Variants in GSDME observed in about 807,000 individuals in gnomAD.
GSDME encodes the protein gasdermin-E.
A neutral mutation model predicts 47.5 loss-of-function variants in GSDME; 44 were observed. The observed-to-expected ratio is 0.93, with a 90% CI of 0.73 to 1.19. GSDME has a LOEUF of 1.19. Ranked by LOEUF, GSDME falls within the 50% of genes most tolerant of loss-of-function variation. The pLI is 0.00. For synonymous variants in GSDME, 258 were observed against 252.8 expected, an observed-to-expected ratio of 1.02 and a Z score of -0.20; for missense variants, 663 against 604.2, an observed-to-expected ratio of 1.10 and a Z score of -1.02.
chr7:24,783,247 G>T, the GSDME span, among the ~76,000 whole-genome samples: 1 of 152,192 alleles, frequency 6.6e-6, no homozygotes, highest in African/African-American at 2.4e-5. Context: ...CTGGCTTAGA[G>T]GCTCAGAGCA....
At chr7:24,760,455 G>A (rs374706117), upstream of GSDME, among the ~76,000 whole-genome samples, 30 of 152,274 alleles carry the variant, frequency 2.0e-4, 1 homozygote, top group East Asian at 5.0e-3. The surrounding 1 kb of genome is among the most constrained non-coding windows in gnomAD (Gnocchi z 4.2). Flanking sequence ...CTTACCAGCT[G>A]AGTGACTTTA....
the GSDME span, among the ~76,000 whole-genome samples, chr7:24,765,821 A>G: frequency 2.0e-5 from 3 of 152,160 alleles, no homozygotes; most frequent in Non-Finnish European, 4.4e-5. Context: ...TATATACATC[A>G]TTTCATTGGA....
the GSDME span, among the ~76,000 whole-genome samples, chr7:24,779,455 C>A: frequency 1.3e-5 from 2 of 149,504 alleles, no homozygotes; most frequent in African/African-American, 2.5e-5. This position sits in a 1 kb window ranked among gnomAD's most constrained non-coding sequence, Gnocchi z 6.0. Context: ...TTCCTACATT[C>A]CTACACCTTT....
intron 8 of GSDME, chr7:24,703,129 C>T (rs1788947997): frequency 2.7e-6 from 1 of 370,290 alleles, no homozygotes; most frequent in Non-Finnish European, 5.2e-6. Flanking sequence ...AAGGAAACAG[C>T]ATGGAAAAGC....
intron 3 of GSDME, among the ~76,000 whole-genome samples, chr7:24,723,666 G>A (rs1789871106): frequency 2.0e-5 from 3 of 152,202 alleles, no homozygotes; most frequent in Admixed American, 1.3e-4. Flanking sequence ...ACACAGCTGT[G>A]AAGCCCAGGT....
intron 3 of GSDME, among the ~76,000 whole-genome samples, chr7:24,740,570 C>G (rs1323793147): frequency 1.3e-5 from 2 of 151,638 alleles, no homozygotes; most frequent in African/African-American, 2.4e-5. Flanking sequence ...CATTGTATGC[C>G]TGTATCAAAA....
rs1209440708 is a variant in GSDME, at chr7:24,757,259, A to T, written c.-20+137T>A. 1 of 152,500 alleles carries T rather than the reference A, an allele frequency of 6.6e-6. No individual in the cohort carries two copies. The highest frequency in any genetic ancestry group is 1.5e-5 in the Non-Finnish European group (1 of 68,472). 9.4% of individuals were successfully genotyped at this position (152,500 alleles called of 1,614,324 possible). ...AATCGATTCGTCTCCCCTAGGAAGG[A>T]GCGAGGGGAGGGTGGCCCAGAGAGA... On this transcript the variant is annotated intron_variant, in intron 1 of 9. Transcript: ENST00000645220. The surrounding 1 kb of genome is among the most constrained non-coding windows in gnomAD (Gnocchi z 5.9).
rs969494629 is a variant in GSDME at position 24,713,467 on chromosome 7, C to T, written c.698-3079G>A. ...TCTTAGGACTGCATGTCCTGAACCC[C>T]GTCACAGGGAAGGAGAACCAGAAAA... On this transcript the variant is annotated intron_variant, in intron 5 of 9. Transcript: ENST00000645220. Among the ~76,000 whole-genome samples the T allele has an allele frequency of 3.3e-5, 5 of 152,192 alleles. No homozygotes were observed. In the East Asian group the frequency reaches 5.8e-4, roughly 18 times the overall value.
rs895324108 is a variant in GSDME, at chr7:24,756,973, G to A, written c.-20+423C>T. On this transcript the variant is annotated intron_variant, in intron 1 of 9. Transcript: ENST00000645220. The surrounding 1 kb of genome is among the most constrained non-coding windows in gnomAD (Gnocchi z 4.2). The stretch of plus-strand genomic sequence containing the variant: ...CTGCACACACGCCCCCGAGCCGGGA[G>A]AGCCTCCGCAGCACCCAGAGAAGAG... 2.2e-4 allele frequency among the ~76,000 whole-genome samples: 34 copies of A among 151,986 alleles called. No homozygotes were observed. The highest frequency in any genetic ancestry group is 8.0e-4 in the African/African-American group (33 of 41,472).
the GSDME span, among the ~76,000 whole-genome samples, chr7:24,763,006 CG>C: frequency 1.3e-5 from 2 of 152,050 alleles, no homozygotes; most frequent in African/African-American, 4.8e-5. The surrounding 1 kb of genome is among the most constrained non-coding windows in gnomAD (Gnocchi z 4.3). Context: ...TTTATGGGAG[CG>C]GCACTTTCGG....
At chr7:24,706,979 G>C (rs917654014) in intron 7 of GSDME, among the ~76,000 whole-genome samples, 2 of 152,210 alleles carry the variant, frequency 1.3e-5, no homozygotes, top group African/African-American at 4.8e-5. Flanking sequence ...CTCTCCACAG[G>C]GTGCTGGCCT....
At chr7:24,794,292 T>TCC in the GSDME span, among the ~76,000 whole-genome samples, 18 of 118,360 alleles carry the variant, frequency 1.5e-4, no homozygotes, top group South Asian at 4.6e-3. Context: ...TCTCTCTCTC[T>TCC]TTCTCTCCTC....
chr7:24,710,620 T>G, intron 5 of GSDME: 1 of 555,874 alleles, frequency 1.8e-6, no homozygotes, highest in Non-Finnish European at 3.2e-6. Flanking sequence ...TAAAGCTCCC[T>G]AATATATATT....
chr7:24,718,964 T>A lies in GSDME; in HGVS notation c.576+83A>T, dbSNP rs879313536. On this transcript the variant is annotated intron_variant, in intron 4 of 9. Transcript: ENST00000645220. ...TTGCTACGGAAAGAGTCCTGACTAA[T>A]GAAGACACCACCCAAAGAGGCCCCC... is the stretch of plus-strand genomic sequence containing the variant. The A allele has an allele frequency of 1.2e-5, 18 of 1,480,660 alleles. No homozygotes were observed. The Admixed American group carries it at 3.0e-4, about 25-fold the overall frequency. The allele number at this position is 1,480,660 out of a possible 1,614,324, so 91.7% of individuals were successfully genotyped here. A position where few individuals can be genotyped will look rare whatever the true frequency, so the allele number is the denominator to read the frequency against.
At chr7:24,702,521 A>G in intron 9 of GSDME, 2 of 445,488 alleles carry the variant, frequency 4.5e-6, no homozygotes, top group South Asian at 3.9e-5. Flanking sequence ...GTCGAAAGAC[A>G]AGGATGAAGT....
In GSDME at chr7:24,703,310, A is replaced by G. The variant is rs116196653; in HGVS notation, c.1184-477T>C. ...TATAAAGGGCTCTACCCCATCACCA[A>G]TCATTTTGGGGAGGAAAATGCAGTG... On this transcript the variant is annotated intron_variant, in intron 8 of 9. Transcript: ENST00000645220. 904 of 258,212 alleles carry G rather than the reference A, an allele frequency of 3.5e-3. 10 individuals carry two copies. The highest frequency in any genetic ancestry group is 0.018 in the African/African-American group (799 of 45,220). The allele number at this position is 258,212 out of a possible 1,614,324, so 16.0% of individuals were successfully genotyped here.
At chr7:24,748,157 TATA>T (rs1444871821) in intron 2 of GSDME, among the ~76,000 whole-genome samples, 9 of 108,680 alleles carry the variant, frequency 8.3e-5, no homozygotes, top group African/African-American at 2.2e-4. Flanking sequence ...TATATATATA[TATA>T]TATATATATT....
rs535626937 is a variant in GSDME, at chr7:24,726,226, A to G, written c.405-7008T>C. On this transcript the variant is annotated intron_variant, in intron 3 of 9. Transcript: ENST00000645220. This position sits in a 1 kb window ranked among gnomAD's most constrained non-coding sequence, Gnocchi z 5.6. Reference sequence around the variant, plus strand: ...ATTTTCTCTGCTTCTAAGACTTTCAAGAGCCAAAATGCAAACTCACAGAGG... The same window carrying G: ...ATTTTCTCTGCTTCTAAGACTTTCAGGAGCCAAAATGCAAACTCACAGAGG... 7.2e-5 allele frequency among the ~76,000 whole-genome samples: 11 copies of G among 152,352 alleles called. No individual in the cohort carries two copies. The South Asian group carries it at 2.3e-3, about 32-fold the overall frequency.
chr7:24,790,135 C>A, the GSDME span, among the ~76,000 whole-genome samples: 2 of 152,152 alleles, frequency 1.3e-5, no homozygotes, highest in East Asian at 1.9e-4. The surrounding 1 kb of genome is among the most constrained non-coding windows in gnomAD (Gnocchi z 4.1). Flanking sequence ...CAATTAGTAA[C>A]CCCTCCCCCA....
Sources: gnomAD v4.1 joint callset for allele counts (sites outside exome capture counted in the v4.1 genomes callset) on GRCh38, gnomAD v4.1.1 for gene constraint, Gnocchi (gnomAD v3.1) non-coding constraint, MANE v1.5 for transcripts, NCBI Gene and HGNC (gene_info 2026-07-23, HGNC 2026-07-21) for gene names.